The following PROSER2 variants were observed in gnomAD, a reference collection of about 807,000 sequenced individuals.
PROSER2 encodes proline and serine-rich protein 2.
A neutral mutation model predicts 14.6 loss-of-function variants in PROSER2; 18 were observed. That is an observed-to-expected ratio of 1.23 (90% CI 0.85 to 1.83). The LOEUF is 1.83. Ranked by LOEUF, PROSER2 falls within the 40% of genes most tolerant of loss-of-function variation. The pLI is 0.00. For missense variants in PROSER2, 823 were observed against 629.8 expected (o/e 1.31, Z -3.28); for synonymous variants, 367 against 286.4 (o/e 1.28, Z -2.84).
At chr10:11,854,541 C>T (rs1332056041) in intron 2 of PROSER2, among the ~76,000 whole-genome samples, 1 of 151,998 alleles carries the variant, frequency 6.6e-6, no homozygotes, top group East Asian at 1.9e-4. Context: ...GAATTCCTGG[C>T]CTCAAGCAAT....
In PROSER2 at chr10:11,852,077, G is replaced by A; in HGVS notation, c.-1G>A. ...GAGCCGGCCCTGAGGACTCTGTGGAGATGCCTGTAACCCACCGGAAATCAG... is the reference window on the plus strand; with the variant it reads ...GAGCCGGCCCTGAGGACTCTGTGGAAATGCCTGTAACCCACCGGAAATCAG... On this transcript the variant is annotated 5_prime_UTR_variant, in exon 2 of 4. Coordinates refer to ENST00000277570, the MANE Select transcript of PROSER2 (RefSeq NM_153256.4). The A allele has an allele frequency of 6.2e-7, 1 of 1,608,940 alleles. No individual in the cohort carries two copies. The highest frequency in any genetic ancestry group is 8.5e-7 in the Non-Finnish European group (1 of 1,177,396).
chr10:11,832,074 T>C (rs1031358820), intron 1 of PROSER2, among the ~76,000 whole-genome samples: 1 of 152,214 alleles, frequency 6.6e-6, no homozygotes, highest in Non-Finnish European at 1.5e-5. Flanking sequence ...TACTAGCCTT[T>C]TAAAATCTGT....
Position 11,839,164 on chromosome 10 carries a change from A to G in PROSER2, c.-81-12833A>G, listed in dbSNP as rs112572334. Among the ~76,000 whole-genome samples the G allele has an allele frequency of 7.2e-5, 11 of 152,348 alleles. 3 individuals are homozygous for G. Among genetic ancestry groups the G allele is most frequent in the African/African-American group, 2.4e-4 (10 of 41,578 alleles). On this transcript the variant is annotated intron_variant, in intron 1 of 3. Transcript: ENST00000277570. ...CAGTACTTGGCACTTGAGCTGTCGG[A>G]TAACCTTCTTGGCTTGAGGGCAGGG...
Position 11,852,106 on chromosome 10 carries a change from C to A in PROSER2, c.29C>A (p.Ala10Glu). The A allele has an allele frequency of 6.2e-7, 1 of 1,613,278 alleles. No individual in the cohort carries two copies. Among genetic ancestry groups the A allele is most frequent in the South Asian group, 1.1e-5 (1 of 90,824 alleles). Reference sequence around the variant, plus strand: ...CCTGTAACCCACCGGAAATCAGACGCATCTGACATGAACTCAGACACGTCC... The same window carrying A: ...CCTGTAACCCACCGGAAATCAGACGAATCTGACATGAACTCAGACACGTCC... Reference protein sequence around the residue: MPVTHRKSDASDMNSDTSPS... With the variant: MPVTHRKSDESDMNSDTSPS... Residue 10 changes from alanine to glutamate, a missense_variant, in exon 2 of 4, where the codon GCA becomes GAA. Transcript: ENST00000277570.
At chr10:11,858,189 C>CA (rs1264422962) in intron 2 of PROSER2, among the ~76,000 whole-genome samples, 1 of 152,142 alleles carries the variant, frequency 6.6e-6, no homozygotes, top group Non-Finnish European at 1.5e-5. Context: ...TTCGGCCTCT[C>CA]AGAGTGCTAG....
intron 1 of PROSER2, among the ~76,000 whole-genome samples, chr10:11,828,219 A>G (rs764137574): frequency 5.3e-5 from 8 of 151,236 alleles, no homozygotes; most frequent in Non-Finnish European, 1.2e-4. Flanking sequence ...GAGTTTCACT[A>G]TAGCTTTCCT....
At position 11,866,538 on chromosome 10, in the gene PROSER2, A is replaced by C. The variant is rs1469985981; in HGVS notation, c.146A>C (p.Glu49Ala). Reference sequence around the variant, plus strand: ...CCAATCCCTGTACTCTAGGATGATGAGAGCCTGAAGTACCTCACCCATGAG... The same window carrying C: ...CCAATCCCTGTACTCTAGGATGATGCGAGCCTGAAGTACCTCACCCATGAG... Reference protein sequence around the residue: ...SRSRSFTLDDESLKYLTHEEK... With the variant: ...SRSRSFTLDDASLKYLTHEEK... Residue 49 changes from glutamate to alanine, a missense_variant, in exon 3 of 4, where the codon GAG (glutamate) becomes GCG (alanine). Transcript: ENST00000277570. This position sits in a 1 kb window ranked among gnomAD's most constrained non-coding sequence, Gnocchi z 6.0. 3 of 1,614,022 alleles carry C rather than the reference A, an allele frequency of 1.9e-6. No homozygotes were observed. The African/African-American group carries it at 4.0e-5, about 22-fold the overall frequency.
rs759686403 is a variant in PROSER2 at position 11,869,764 on chromosome 10, C to T, written c.666C>T (p.Pro222=). 10 of 1,570,390 alleles carry T rather than the reference C, an allele frequency of 6.4e-6. No homozygotes were observed. The South Asian group carries it at 9.4e-5, about 15-fold the overall frequency. The part of the protein sequence containing the change: ...SPTSPFREGR[P]GEWRTPAARG... ...CCTCCCCGTTCAGGGAGGGCCGGCC[C>T]GGGGAGTGGAGGACACCTGCCGCCC... The change falls in exon 4 of 4, where the codon CCC becomes CCT. Residue 222 remains proline, a synonymous_variant. Transcript: ENST00000277570. This position sits in a 1 kb window ranked among gnomAD's most constrained non-coding sequence, Gnocchi z 4.4.
chr10:11,855,491 GAAAA>G (rs1275136799), intron 2 of PROSER2, among the ~76,000 whole-genome samples: 2 of 138,814 alleles, frequency 1.4e-5, no homozygotes, highest in African/African-American at 2.6e-5. Flanking sequence ...AAAAAAAAAA[GAAAA>G]AAGACGATAA....
chr10:11,841,923 G>T (rs2031382), intron 1 of PROSER2, among the ~76,000 whole-genome samples: 147,764 of 152,282 alleles, frequency 0.97, 71,799 homozygotes, highest in East Asian at 1. Flanking sequence ...TGTATTCTCA[G>T]GCTTGATAAA....
chr10:11,865,911 C>T lies in PROSER2; in HGVS notation c.139-620C>T, dbSNP rs919534755. ...CCGCTCAGCACCTCCAGGGCCTGAG[C>T]TTCTGGGCAGTTCTTCGGGATGCAG... On this transcript the variant is annotated intron_variant, in intron 2 of 3. Coordinates refer to ENST00000277570, the MANE Select transcript of PROSER2 (RefSeq NM_153256.4). The surrounding 1 kb of genome is among the most constrained non-coding windows in gnomAD (Gnocchi z 4.2). Among the ~76,000 whole-genome samples the T allele has an allele frequency of 6.6e-6, 1 of 152,186 alleles. No individual in the cohort carries two copies. Among genetic ancestry groups the T allele is most frequent in the African/African-American group, 2.4e-5 (1 of 41,444 alleles).
chr10:11,852,716 T>C (rs1335265094), intron 2 of PROSER2, among the ~76,000 whole-genome samples: 1 of 145,772 alleles, frequency 6.9e-6, no homozygotes, highest in East Asian at 2.1e-4. Flanking sequence ...TTTGGTATTT[T>C]TAGTAGAGAC....
chr10:11,832,579 A>G (rs1454048415), intron 1 of PROSER2, among the ~76,000 whole-genome samples: 4 of 152,122 alleles, frequency 2.6e-5, no homozygotes, highest in Non-Finnish European at 4.4e-5. Context: ...GTTATTTATG[A>G]AGCTGGGTTA....
intron 1 of PROSER2, among the ~76,000 whole-genome samples, chr10:11,848,761 T>C (rs369328225): frequency 9.2e-5 from 14 of 152,368 alleles, no homozygotes; most frequent in African/African-American, 3.1e-4. Flanking sequence ...TATCTTGTGC[T>C]TGAGCTGAGT....
intron 1 of PROSER2, among the ~76,000 whole-genome samples, chr10:11,834,395 G>A (rs1252412221): frequency 6.6e-6 from 1 of 151,696 alleles, no homozygotes; most frequent in Non-Finnish European, 1.5e-5. Flanking sequence ...AAAGCCTCAC[G>A]TTCTTACAGA....
intron 1 of PROSER2, among the ~76,000 whole-genome samples, chr10:11,842,177 G>A (rs1479214139): frequency 6.6e-6 from 1 of 150,700 alleles, no homozygotes. Context: ...AGCTGAGATC[G>A]CGCCACTGCA....
At position 11,869,632 on chromosome 10, in the gene PROSER2, C is replaced by A; in HGVS notation, c.534C>A (p.Pro178=). ...CCCCCAGGAGGGAGCTGCGCGCCCC[C>A]TCCCCGCCGGTGGAGCACCCCAGAC... The part of the protein sequence containing the change: ...PDPPRRELRA[P]SPPVEHPRLL... Residue 178 remains proline, a synonymous_variant, in exon 4 of 4, where the codon CCC becomes CCA. Coordinates refer to ENST00000277570, the MANE Select transcript of PROSER2 (RefSeq NM_153256.4). The surrounding 1 kb of genome is among the most constrained non-coding windows in gnomAD (Gnocchi z 4.4). The A allele has an allele frequency of 1.9e-6, 3 of 1,595,198 alleles. No homozygotes were observed. Among genetic ancestry groups the A allele is most frequent in the Non-Finnish European group, 2.6e-6 (3 of 1,170,194 alleles).
At chr10:11,858,823 A>T (rs1481276568) in intron 2 of PROSER2, among the ~76,000 whole-genome samples, 1 of 151,458 alleles carries the variant, frequency 6.6e-6, no homozygotes. Context: ...AGCCTGGCCA[A>T]TATGGTGAAA....
rs112257438 is a variant in PROSER2 at position 11,842,220 on chromosome 10, C to CAA, written c.-81-9764_-81-9763dup. On this transcript the variant is annotated intron_variant, in intron 1 of 3. Coordinates refer to ENST00000277570, the MANE Select transcript of PROSER2 (RefSeq NM_153256.4). ...CTGGTTACAGAGTAAGACTCAGTCTCAAAAAAAAAAAAAATCCAGTGTGAC... is the reference window on the plus strand; with the variant it reads ...CTGGTTACAGAGTAAGACTCAGTCTCAAAAAAAAAAAAAAAATCCAGTGTGAC... 8.2e-3 allele frequency among the ~76,000 whole-genome samples: 1,113 copies of CAA among 135,222 alleles called. 13 individuals are homozygous for CAA. The highest frequency in any genetic ancestry group is 0.028 in the African/African-American group (1,030 of 36,704). 88.7% of individuals were successfully genotyped at this position (135,222 alleles called of 152,430 possible).
Sources: gnomAD v4.1 joint callset for allele counts (sites outside exome capture counted in the v4.1 genomes callset) on GRCh38, gnomAD v4.1.1 for gene constraint, Gnocchi (gnomAD v3.1) non-coding constraint, MANE v1.5 for transcripts, NCBI Gene and HGNC (gene_info 2026-07-23, HGNC 2026-07-21) for gene names.